NFXL1: variants seen among roughly 807,000 people sequenced by gnomAD.
NFXL1 encodes the protein nuclear transcription factor, X-box binding like 1, also known as NF-X1-type zinc finger protein NFXL1.
Under a neutral mutation model 123.3 loss-of-function variants are expected in NFXL1, and 66 were observed. The ratio of observed to expected loss-of-function variants is 0.54; its 90% CI spans 0.44 to 0.66. The LOEUF is 0.66. NFXL1 is among the 30% of genes least tolerant of loss of function. The probability of loss-of-function intolerance (pLI) is 0.00; values close to 1 mark genes in which losing one functional copy is unlikely to be tolerated. For synonymous variants in NFXL1, 346 were observed against 360.8 expected (o/e 0.96, Z 0.46); for missense variants, 944 against 1,125.6 (o/e 0.84, Z 2.31).
At position 47,855,084 on chromosome 4, in the gene NFXL1, C is replaced by G. The variant is rs1734332853; in HGVS notation, c.2396G>C (p.Arg799Thr). The change falls in exon 20 of 23, where the codon AGA becomes ACA. Residue 799 changes from arginine (R) to threonine (T), a missense_variant. Around this residue, in one of 4 missense-constraint regions of NFXL1, gnomAD observed 301 missense variants for 348.0 expected, o/e 0.86. Coordinates refer to ENST00000507489, the MANE Select transcript of NFXL1 (RefSeq NM_001278624.2). ...PFNCNQKVKL[R>T]CPCKRIKKEL... ...CTTTTTTATTCTTTTACAAGGACATCTAAGTTTTACCTTCTGGTTGCAGTT... is the reference window on the plus strand; with the variant it reads ...CTTTTTTATTCTTTTACAAGGACATGTAAGTTTTACCTTCTGGTTGCAGTT... 2.6e-6 allele frequency: 4 copies of G among 1,529,706 alleles called. No homozygotes were observed. Among genetic ancestry groups the G allele is most frequent in the Admixed American group, 1.8e-5 (1 of 57,138 alleles). 94.8% of individuals were successfully genotyped at this position (1,529,706 alleles called of 1,614,324 possible).
intron 3 of NFXL1, among the ~76,000 whole-genome samples, chr4:47,910,128 A>T (rs2110109773): frequency 6.6e-6 from 1 of 152,304 alleles, no homozygotes; most frequent in East Asian, 1.9e-4. Context: ...GAGCAATCAG[A>T]TATAAACCAC....
chr4:47,864,163 AAG>A (rs1163262312), intron 18 of NFXL1, among the ~76,000 whole-genome samples: 1 of 151,998 alleles, frequency 6.6e-6, no homozygotes, highest in Non-Finnish European at 1.5e-5. Flanking sequence ...TCTGAACTTA[AAG>A]AGTTAATATT....
intron 5 of NFXL1, among the ~76,000 whole-genome samples, chr4:47,902,281 AT>A (rs1737387531): frequency 6.6e-6 from 1 of 152,240 alleles, no homozygotes; most frequent in Admixed American, 6.5e-5. Context: ...CTTATGCTTC[AT>A]TACTTTGACA....
intron 22 of NFXL1, among the ~76,000 whole-genome samples, chr4:47,850,369 A>G (rs1339696325): frequency 6.6e-6 from 1 of 152,124 alleles, no homozygotes; most frequent in Non-Finnish European, 1.5e-5. Context: ...TTCCTTATTC[A>G]TGCAAATCAC....
intron 11 of NFXL1, among the ~76,000 whole-genome samples, chr4:47,891,473 C>T (rs914031303): frequency 6.6e-6 from 1 of 152,140 alleles, no homozygotes; most frequent in African/African-American, 2.4e-5. Flanking sequence ...CAGAGATAGG[C>T]TACTTGCATC....
intron 5 of NFXL1, among the ~76,000 whole-genome samples, chr4:47,901,046 C>T (rs958514123): frequency 6.6e-6 from 1 of 152,142 alleles, no homozygotes; most frequent in African/African-American, 2.4e-5. Flanking sequence ...CACTGCCCAT[C>T]AGCATTGAAA....
At chr4:47,886,960 T>C (rs1736472306) in intron 12 of NFXL1, among the ~76,000 whole-genome samples, 1 of 152,224 alleles carries the variant, frequency 6.6e-6, no homozygotes, top group Non-Finnish European at 1.5e-5. Flanking sequence ...TTTCCATTAA[T>C]TGTGCTTTGT....
rs570574098 is a variant in NFXL1 at position 47,884,892 on chromosome 4, G to A, written c.1825-455C>T. Among the ~76,000 whole-genome samples, 62 of 152,024 alleles carry A rather than the reference G, an allele frequency of 4.1e-4. 1 individual carries two copies. In the South Asian group the frequency reaches 5.0e-3, roughly 12 times the overall value. On this transcript the variant is annotated intron_variant, in intron 14 of 22. Transcript: ENST00000507489. ...CTGTAATCCCAGCACTTTGGGAGGC[G>A]GAGGCGGGCAGATCACTTGAGGTCA...
At chr4:47,863,064 T>C (rs1162671477) in intron 18 of NFXL1, 149 bp from the exon 19 acceptor site, 1 of 604,156 alleles carries the variant, frequency 1.7e-6, no homozygotes, top group Non-Finnish European at 2.9e-6. Flanking sequence ...GTAACAATTA[T>C]CTTCAAATTA....
chr4:47,884,750 G>A (rs1199253343), intron 14 of NFXL1, among the ~76,000 whole-genome samples: 1 of 152,084 alleles, frequency 6.6e-6, no homozygotes, highest in African/African-American at 2.4e-5. Flanking sequence ...TCTAGCAATT[G>A]AATATAATCT....
rs1733863649 is a variant in NFXL1 at position 47,847,266 on chromosome 4, CATT to C, written c.*894_*896del. On this transcript the variant is annotated 3_prime_UTR_variant, in exon 23 of 23. Transcript: ENST00000507489. Reference sequence around the variant, plus strand: ...TTGGTATCAAAAATTTTAATGAAAACATTAATCATATAAATTAAATAGCAAAAC... The same window carrying C: ...TTGGTATCAAAAATTTTAATGAAAACAATCATATAAATTAAATAGCAAAAC... The C allele has an allele frequency of 6.6e-6, 1 of 151,734 alleles. No individual in the cohort carries two copies. Among genetic ancestry groups the C allele is most frequent in the South Asian group, 2.1e-4 (1 of 4,812 alleles). 9.4% of individuals were successfully genotyped at this position (151,734 alleles called of 1,614,324 possible).
intron 4 of NFXL1, among the ~76,000 whole-genome samples, chr4:47,904,337 C>T (rs909969827): frequency 6.6e-6 from 1 of 152,218 alleles, no homozygotes; most frequent in African/African-American, 2.4e-5. Context: ...CTCCCCAGTG[C>T]TTCTGCACTA....
rs780197259 is a variant in NFXL1, at chr4:47,899,085, T to C, written c.862A>G (p.Thr288Ala). ...GGTTTTGCTTTCTTACAGTAACAAG[T>C]AGTTGTGACCATCTTTGGACAAGGA... ...CPPCPKMVTT[T>A]CYCKKAKPIP... The change falls in exon 7 of 23, where the codon ACT becomes GCT. Residue 288 changes from threonine to alanine, a missense_variant. Physicochemically the swap from Thr to Ala is moderately conservative, Grantham distance 58 (BLOSUM62 0). Around this residue, in one of 4 missense-constraint regions of NFXL1, gnomAD observed 296 missense variants for 395.1 expected, o/e 0.75. Coordinates refer to ENST00000507489, the MANE Select transcript of NFXL1 (RefSeq NM_001278624.2). 5 of 1,602,256 alleles carry C rather than the reference T, an allele frequency of 3.1e-6. No individual in the cohort carries two copies. Among genetic ancestry groups the C allele is most frequent in the African/African-American group, 2.8e-5 (2 of 71,010 alleles).
chr4:47,895,348 C>T (rs1182024709), intron 10 of NFXL1, among the ~76,000 whole-genome samples: 1 of 152,194 alleles, frequency 6.6e-6, no homozygotes, highest in African/African-American at 2.4e-5. Context: ...CGGTTTGAAG[C>T]TTTAACTGTG....
intron 19 of NFXL1, among the ~76,000 whole-genome samples, chr4:47,858,674 A>G (rs1270151570): frequency 6.6e-6 from 1 of 152,226 alleles, no homozygotes; most frequent in African/African-American, 2.4e-5. Context: ...CTGGTAGTAA[A>G]AACTGTAAAT....
chr4:47,882,864 T>C (rs1171120637), intron 15 of NFXL1, among the ~76,000 whole-genome samples: 2 of 152,164 alleles, frequency 1.3e-5, no homozygotes, highest in Non-Finnish European at 2.9e-5. Context: ...CATCTGAAAA[T>C]ACAAATAGTT....
intron 22 of NFXL1, among the ~76,000 whole-genome samples, chr4:47,850,142 TACTAA>T (rs1385048635): frequency 3.3e-5 from 5 of 152,072 alleles, no homozygotes; most frequent in Non-Finnish European, 5.9e-5. Context: ...GGAGAAAACA[TACTAA>T]ACTATTCTTA....
chr4:47,872,788 T>C (rs1387065916), intron 18 of NFXL1, among the ~76,000 whole-genome samples: 1 of 152,208 alleles, frequency 6.6e-6, no homozygotes, highest in East Asian at 1.9e-4. Flanking sequence ...TGTTTATGGC[T>C]GCTGACTGAT....
intron 15 of NFXL1, among the ~76,000 whole-genome samples, chr4:47,882,585 C>A (rs1322730010): frequency 1.3e-5 from 2 of 152,138 alleles, no homozygotes; most frequent in African/African-American, 4.8e-5. Context: ...AATGTTAATG[C>A]GCTTTTTCTT....
Sources: gnomAD v4.1 joint callset for allele counts (sites outside exome capture counted in the v4.1 genomes callset) on GRCh38, gnomAD v4.1.1 for gene constraint, gnomAD v4.1.1 regional missense constraint, MANE v1.5 for transcripts, NCBI Gene and HGNC (gene_info 2026-07-23, HGNC 2026-07-21) for gene names.